XPNPEP1: variants seen among roughly 807,000 people sequenced by gnomAD.
The protein encoded by XPNPEP1 is xaa-Pro aminopeptidase 1.
A neutral mutation model predicts 92.4 loss-of-function variants in XPNPEP1; 39 were observed. The ratio of observed to expected loss-of-function variants is 0.42; its 90% CI spans 0.33 to 0.55. XPNPEP1 has a LOEUF of 0.55. XPNPEP1 is among the 20% of genes least tolerant of loss of function. The probability of loss-of-function intolerance (pLI) is 0.08; values close to 1 mark genes in which losing one functional copy is unlikely to be tolerated. For synonymous variants in XPNPEP1, 307 were observed against 299.4 expected, an observed-to-expected ratio of 1.03 and a Z score of -0.26; for missense variants, 654 against 856.1, an observed-to-expected ratio of 0.76 and a Z score of 2.95.
chr10:109,879,557 G>C (rs573501442), intron 12 of XPNPEP1, among the ~76,000 whole-genome samples: 27 of 152,010 alleles, frequency 1.8e-4, no homozygotes, highest in African/African-American at 6.0e-4. Context: ...GTGACAGAGT[G>C]AGACTCCGTC....
chr10:109,870,350 A>G (rs1338531935), intron 18 of XPNPEP1, among the ~76,000 whole-genome samples: 1 of 152,274 alleles, frequency 6.6e-6, no homozygotes, highest in East Asian at 1.9e-4. Context: ...AAATATATTT[A>G]CAAAGACTTG....
intron 14 of XPNPEP1, 30 bp downstream of exon 14, chr10:109,877,760 C>T (rs1847861651): frequency 3.1e-6 from 5 of 1,613,808 alleles, no homozygotes; most frequent in Non-Finnish European, 4.2e-6. Flanking sequence ...AGCAGCAAGG[C>T]CAGGCAGCAT....
intron 1 of XPNPEP1, 42 bp from the exon 2 acceptor site, chr10:109,915,141 A>C: frequency 7.4e-7 from 1 of 1,342,500 alleles, no homozygotes; most frequent in Non-Finnish European, 1.0e-6. Context: ...CTTTGACCAC[A>C]ATAAACGTGG....
intron 1 of XPNPEP1, 35 bp from the exon 2 acceptor site, chr10:109,915,134 T>C (rs1361610897): frequency 2.9e-6 from 4 of 1,396,606 alleles, no homozygotes; most frequent in African/African-American, 2.9e-5. Flanking sequence ...TTGCAGACTT[T>C]GACCACAATA....
At chr10:109,918,834 AGGAAGGAAGGAAGGAAGGAAGGAG>A (rs752745424) in intron 1 of XPNPEP1, among the ~76,000 whole-genome samples, 10,334 of 56,234 alleles carry the variant, frequency 0.18, 851 homozygotes, top group Non-Finnish European at 0.3. Context: ...AAAGGAAAGG[AGGAAGGAAGGAAGGAAGGAAGGAG>A]GGAAGGAAGG....
chr10:109,904,687 C>T (rs1849460575), intron 3 of XPNPEP1, among the ~76,000 whole-genome samples: 1 of 152,138 alleles, frequency 6.6e-6, no homozygotes, highest in African/African-American at 2.4e-5. Context: ...AAAAGATACT[C>T]AACATCACTA....
At chr10:109,887,300 T>C (rs1848446717) in intron 7 of XPNPEP1, among the ~76,000 whole-genome samples, 1 of 152,170 alleles carries the variant, frequency 6.6e-6, no homozygotes, top group Non-Finnish European at 1.5e-5. Context: ...ACCCCTCTGG[T>C]GAGGATGTCA....
Position 109,865,151 on chromosome 10 carries a change from C to G in XPNPEP1, c.*33G>C. On this transcript the variant is annotated 3_prime_UTR_variant, in exon 21 of 21. Coordinates refer to ENST00000502935, the MANE Select transcript of XPNPEP1 (RefSeq NM_020383.4). ...GCCACGTTTCTTCCTTCCTCCAGAG[C>G]ATTTTACAAAAACAAAACCGGGGAG... The G allele has an allele frequency of 6.2e-7, 1 of 1,613,420 alleles. No individual in the cohort carries two copies. The highest frequency in any genetic ancestry group is 8.5e-7 in the Non-Finnish European group (1 of 1,179,420).
At chr10:109,911,045 G>A (rs1849840983) in intron 2 of XPNPEP1, among the ~76,000 whole-genome samples, 1 of 152,202 alleles carries the variant, frequency 6.6e-6, no homozygotes, top group African/African-American at 2.4e-5. Context: ...CAGTTGTTAT[G>A]GTGATCTCCA....
chr10:109,888,513 G>C lies in XPNPEP1; in HGVS notation c.498C>G (p.Ile166Met). 7 of 1,610,810 alleles carry C rather than the reference G, an allele frequency of 4.3e-6. No individual in the cohort carries two copies. The highest frequency in any genetic ancestry group is 5.1e-6 in the Non-Finnish European group (6 of 1,178,292). Residue 166 changes from isoleucine to methionine, a missense_variant, in exon 6 of 21, where the codon ATC becomes ATG. Ile to Met is a conservative substitution (Grantham distance 10). Transcript: ENST00000502935. ...ACCAAGCTCACTTACCTGTAGGAAT[G>C]ATCAAGGGGTCCACACCAACCCTGG... Reference protein sequence around the residue: ...EGSRVGVDPLIIPTDYWKKMA... With the variant: ...EGSRVGVDPLMIPTDYWKKMA...
At position 109,882,247 on chromosome 10, in the gene XPNPEP1, A is replaced by C. The variant is rs555364038; in HGVS notation, c.1041+185T>G. Among the ~76,000 whole-genome samples, 8 of 152,336 alleles carry C rather than the reference A, an allele frequency of 5.3e-5. No individual in the cohort carries two copies. The South Asian group carries it at 1.5e-3, about 28-fold the overall frequency. On this transcript the variant is annotated intron_variant, in intron 10 of 20. Coordinates refer to ENST00000502935, the MANE Select transcript of XPNPEP1 (RefSeq NM_020383.4). The stretch of plus-strand genomic sequence containing the variant: ...TCTCTCATGCCACACTCTGGAAAAC[A>C]CAAGACTCAACAAGCAATAAGGGCC...
In XPNPEP1 at chr10:109,882,617, C is replaced by A; in HGVS notation, c.856G>T (p.Asp286Tyr). Reference sequence around the variant, plus strand: ...AGGTGCTCCTTCACACTGGGGGCGTCTATGCGGTCACCATCAATGAAGAGC... The same window carrying A: ...AGGTGCTCCTTCACACTGGGGGCGTATATGCGGTCACCATCAATGAAGAGC... ...IMLFIDGDRI[D>Y]APSVKEHLLL... is the part of the protein sequence containing the mutation. Residue 286 changes from aspartate to tyrosine, a missense_variant, in exon 10 of 21, where the codon GAC (aspartate) becomes TAC (tyrosine). By Grantham distance (160) the Asp-to-Tyr change is radical. Transcript: ENST00000502935. 1 of 1,614,148 alleles carries A rather than the reference C, an allele frequency of 6.2e-7. No homozygotes were observed. Among genetic ancestry groups the A allele is most frequent in the Non-Finnish European group, 8.5e-7 (1 of 1,180,010 alleles).
intron 3 of XPNPEP1, among the ~76,000 whole-genome samples, chr10:109,895,560 C>A (rs184739374): frequency 9.2e-5 from 14 of 152,348 alleles, no homozygotes; most frequent in Admixed American, 2.6e-4. Flanking sequence ...CTGGCCACAG[C>A]CTCACCTCCA....
intron 16 of XPNPEP1, among the ~76,000 whole-genome samples, chr10:109,872,208 C>T (rs1387872578): frequency 1.3e-5 from 2 of 152,220 alleles, no homozygotes; most frequent in Admixed American, 6.5e-5. Flanking sequence ...CTCTGTGCCA[C>T]GCACTATTCT....
chr10:109,877,508 A>C (rs1180738837), intron 14 of XPNPEP1: 2 of 429,690 alleles, frequency 4.7e-6, no homozygotes, highest in East Asian at 4.2e-5. Context: ...AGGGCTATGC[A>C]TACAGTTCCT....
chr10:109,868,191 AATGTTTC>A (rs1847243262), intron 20 of XPNPEP1, among the ~76,000 whole-genome samples: 2 of 152,142 alleles, frequency 1.3e-5, no homozygotes, highest in African/African-American at 4.8e-5. Context: ...CCATTTCCTT[AATGTTTC>A]ATGTAACACA....
chr10:109,897,539 T>G (rs1269619409), intron 3 of XPNPEP1, among the ~76,000 whole-genome samples: 1 of 152,180 alleles, frequency 6.6e-6, no homozygotes, highest in Non-Finnish European at 1.5e-5. Context: ...ACAGCAGCCC[T>G]GGAAGGTATC....
At chr10:109,913,813 T>TAAC (rs2133557672) in intron 2 of XPNPEP1, among the ~76,000 whole-genome samples, 1 of 152,362 alleles carries the variant, frequency 6.6e-6, no homozygotes, top group South Asian at 2.1e-4. Flanking sequence ...TGAAGCTACC[T>TAAC]AACCTCTATT....
In XPNPEP1 at chr10:109,923,220, C is replaced by A. The variant is rs547786303; in HGVS notation, c.32+182G>T. 2.8e-3 allele frequency: 2,799 copies of A among 985,360 alleles called. 4 individuals carry two copies. The highest frequency in any genetic ancestry group is 5.0e-3 in the Admixed American group (81 of 16,286). 61.0% of individuals were successfully genotyped at this position (985,360 alleles called of 1,614,324 possible). A position where few individuals can be genotyped will look rare whatever the true frequency, so the allele number is the denominator to read the frequency against. On this transcript the variant is annotated intron_variant, in intron 1 of 20. Transcript: ENST00000502935. ...CTCCGGAAACGAACCGGATCTCGCC[C>A]GGCCTCATGGACCCCTTCCCCCGGC...
Sources: gnomAD v4.1 joint callset for allele counts (sites outside exome capture counted in the v4.1 genomes callset) on GRCh38, gnomAD v4.1.1 for gene constraint, MANE v1.5 for transcripts, NCBI Gene and HGNC (gene_info 2026-07-23, HGNC 2026-07-21) for gene names.